The following SBNO2 variants were observed in gnomAD, a reference collection of about 807,000 sequenced individuals.
SBNO2 encodes the protein strawberry notch homolog 2, also known as protein strawberry notch homolog 2.
In SBNO2, 89 loss-of-function variants were observed where a neutral mutation model predicts 146.3. The observed-to-expected ratio is 0.61, with a 90% CI of 0.51 to 0.73. The LOEUF is 0.73. Ranked by LOEUF, SBNO2 falls within the 30% of genes least tolerant of loss-of-function variation. SBNO2 has a pLI of 0.00. For missense variants in SBNO2, 2,092 were observed against 2,003.7 expected, an observed-to-expected ratio of 1.04 and a Z score of -0.84; for synonymous variants, 1,147 against 892.6, an observed-to-expected ratio of 1.29 and a Z score of -5.08.
chr19:1,147,427 G>T lies in SBNO2; in HGVS notation c.168-7C>A. On this transcript the variant is annotated splice_region_variant and splice_polypyrimidine_tract_variant and intron_variant, in intron 3 of 31. Coordinates refer to ENST00000361757, the MANE Select transcript of SBNO2 (RefSeq NM_014963.3). ...GGCGGAGCTCATGAACGGGCTGGAG[G>T]GAGATGGGGGGGGGGGAGGTGAGAT... The T allele has an allele frequency of 1.5e-6, 2 of 1,297,944 alleles. No individual in the cohort carries two copies. Among genetic ancestry groups the T allele is most frequent in the Non-Finnish European group, 1.0e-6 (1 of 975,924 alleles). The allele number at this position is 1,297,944 out of a possible 1,614,324, so 80.4% of individuals were successfully genotyped here.
chr19:1,123,441 T>C, intron 7 of SBNO2, 93 bp downstream of exon 7: 2 of 1,044,758 alleles, frequency 1.9e-6, no homozygotes, highest in East Asian at 2.4e-5. Flanking sequence ...ACATTCCCTC[T>C]GTGGGCTGTG....
chr19:1,137,115 G>A (rs1372028291), intron 4 of SBNO2, among the ~76,000 whole-genome samples: 1 of 148,428 alleles, frequency 6.7e-6, no homozygotes, highest in Admixed American at 6.7e-5. Context: ...ATGGGCGAGG[G>A]GCAGTGAGGC....
intron 4 of SBNO2, among the ~76,000 whole-genome samples, chr19:1,131,255 C>T (rs1202069943): frequency 2.0e-5 from 3 of 152,194 alleles, no homozygotes; most frequent in Admixed American, 6.5e-5. Flanking sequence ...GGGAACCGGG[C>T]CCCTCTGCAG....
In SBNO2 at chr19:1,109,468, G is replaced by A. The variant is rs201057768; in HGVS notation, c.3216+38C>T. ...GGCCGCGCCCCGGTCCGCCCCCCGC[G>A]GGCCCTCCTCTGGGGGGGTAACCCC... On this transcript the variant is annotated intron_variant, in intron 28 of 31. Coordinates refer to ENST00000361757, the MANE Select transcript of SBNO2 (RefSeq NM_014963.3). The surrounding 1 kb of genome is among the most constrained non-coding windows in gnomAD (Gnocchi z 4.2). 2,380 of 1,570,312 alleles carry A rather than the reference G, an allele frequency of 1.5e-3. 29 individuals are homozygous for A. In the African/African-American group the frequency reaches 0.027, roughly 18 times the overall value.
chr19:1,147,292 G>A lies in SBNO2; in HGVS notation c.279+17C>T, dbSNP rs1204673031. On this transcript the variant is annotated intron_variant, in intron 4 of 31. Coordinates refer to ENST00000361757, the MANE Select transcript of SBNO2 (RefSeq NM_014963.3). ...CACCCTGCCCCCCACGGCGCGGTGA[G>A]CTCCTGGGGCTCCTACCTGAGCAAA... The A allele has an allele frequency of 3.9e-6, 6 of 1,544,470 alleles. No homozygotes were observed. Among genetic ancestry groups the A allele is most frequent in the Admixed American group, 1.8e-5 (1 of 55,808 alleles).
At chr19:1,128,118 G>C in intron 4 of SBNO2, 1 of 505,810 alleles carries the variant, frequency 2.0e-6, no homozygotes, top group Middle Eastern at 3.0e-4. Context: ...GTGACAGAGC[G>C]AGAGAGTGAG....
intron 4 of SBNO2, among the ~76,000 whole-genome samples, chr19:1,146,712 G>C (rs1296058032): frequency 6.7e-6 from 1 of 149,190 alleles, no homozygotes; most frequent in Non-Finnish European, 1.5e-5. Flanking sequence ...CCTTGGGGAA[G>C]GCTGTGAGGG....
At position 1,122,994 on chromosome 19, in the gene SBNO2, G is replaced by T; in HGVS notation, c.680C>A (p.Ser227Tyr). The change falls in exon 8 of 32, where the codon TCC (serine) becomes TAC (tyrosine). Residue 227 changes from serine (S) to tyrosine (Y), a missense_variant. By Grantham distance (144) the Ser-to-Tyr change is moderately radical. Transcript: ENST00000361757. Reference protein sequence around the residue: ...PDRVVETSTLSSVPPPDITYT... With the variant: ...PDRVVETSTLYSVPPPDITYT... ...GGTGATGTCTGGGGGTGGGACGCTG[G>T]ACAGTGTGCTGGTCTCCACCACGCG... 2 of 1,583,370 alleles carry T rather than the reference G, an allele frequency of 1.3e-6. No homozygotes were observed. Among genetic ancestry groups the T allele is most frequent in the Non-Finnish European group, 1.7e-6 (2 of 1,165,528 alleles).
chr19:1,167,882 G>A (rs1417318685), intron 1 of SBNO2, among the ~76,000 whole-genome samples: 2 of 152,154 alleles, frequency 1.3e-5, no homozygotes, highest in Admixed American at 6.5e-5. Flanking sequence ...AGCAGGCTCC[G>A]GGGACACGCT....
chr19:1,133,088 T>C (rs906417486), intron 4 of SBNO2, among the ~76,000 whole-genome samples: 42 of 151,770 alleles, frequency 2.8e-4, no homozygotes, highest in Non-Finnish European at 4.9e-4. Context: ...CCACAGGCGG[T>C]CATTCTCGGT....
intron 4 of SBNO2, among the ~76,000 whole-genome samples, chr19:1,128,866 G>T (rs1306632696): frequency 6.6e-6 from 1 of 151,918 alleles, no homozygotes; most frequent in Non-Finnish European, 1.5e-5. Context: ...TACTCGGGGG[G>T]CTGAGGCGGG....
intron 4 of SBNO2, 82 bp downstream of exon 4, chr19:1,147,227 G>A (rs942240459): frequency 1.2e-5 from 11 of 952,700 alleles, no homozygotes; most frequent in Non-Finnish European, 1.6e-5. Context: ...AGGCCTGAGC[G>A]AGAGAGGTCG....
At chr19:1,169,072 G>A (rs187647882) in intron 1 of SBNO2, 2 of 152,356 alleles carry the variant, frequency 1.3e-5, no homozygotes, top group Non-Finnish European at 2.9e-5. Context: ...CAATCACAAG[G>A]CTCCGGGAAG....
At position 1,116,869 on chromosome 19, in the gene SBNO2, C is replaced by T. The variant is rs774797993; in HGVS notation, c.1762G>A (p.Glu588Lys). ...GEARTREVLG[E>K]NDGHLNCFVS... ...AAGCAGTTGAGGTGCCCATCGTTCTCCCCCAGCACCTCCCGCGTGCGCGCC... is the reference window on the plus strand; with the variant it reads ...AAGCAGTTGAGGTGCCCATCGTTCTTCCCCAGCACCTCCCGCGTGCGCGCC... The change falls in exon 16 of 32, where the codon GAG (glutamate) becomes AAG (lysine). Residue 588 changes from glutamate to lysine, a missense_variant. Physicochemically the swap from Glu to Lys is moderately conservative, Grantham distance 56. Coordinates refer to ENST00000361757, the MANE Select transcript of SBNO2 (RefSeq NM_014963.3). 4 of 1,590,738 alleles carry T rather than the reference C, an allele frequency of 2.5e-6. No homozygotes were observed. The highest frequency in any genetic ancestry group is 2.3e-5 in the South Asian group (2 of 88,208).
In SBNO2 at chr19:1,109,448, C is replaced by T. The variant is rs2079725201; in HGVS notation, c.3217-25G>A. Reference sequence around the variant, plus strand: ...CCTGCGGAGGGGGGCGTTGAGGCCGCGCCCCGGTCCGCCCCCCGCGGGCCC... The same window carrying T: ...CCTGCGGAGGGGGGCGTTGAGGCCGTGCCCCGGTCCGCCCCCCGCGGGCCC... On this transcript the variant is annotated intron_variant, in intron 28 of 31. Transcript: ENST00000361757. The surrounding 1 kb of genome is among the most constrained non-coding windows in gnomAD (Gnocchi z 4.2). The T allele has an allele frequency of 3.2e-6, 5 of 1,561,854 alleles. No individual in the cohort carries two copies. Among genetic ancestry groups the T allele is most frequent in the African/African-American group, 1.4e-5 (1 of 73,662 alleles).
intron 1 of SBNO2, among the ~76,000 whole-genome samples, chr19:1,166,369 G>A (rs976964020): frequency 9.8e-5 from 15 of 152,324 alleles, no homozygotes; most frequent in Middle Eastern, 3.4e-3. Context: ...TGCTCCGAGC[G>A]GGCCTCACTG....
At chr19:1,115,234 A>G (rs1021942998) in intron 17 of SBNO2, 2 of 149,696 alleles carry the variant, frequency 1.3e-5, no homozygotes, top group Non-Finnish European at 3.0e-5. Context: ...CACCTAGCCA[A>G]TATTTTATTT....
At position 1,123,026 on chromosome 19, in the gene SBNO2, G is replaced by A; in HGVS notation, c.648C>T (p.His216=). The A allele has an allele frequency of 6.3e-7, 1 of 1,591,802 alleles. No individual in the cohort carries two copies. The highest frequency in any genetic ancestry group is 1.1e-5 in the South Asian group (1 of 87,196). ...VPSKSKIGKQ[H]PDRVVETSTL... is the part of the protein sequence containing the mutation. ...TGCTGGTCTCCACCACGCGGTCTGG[G>A]TGCTGCTTCCCGATCTTGGCTGGAG... Residue 216 remains histidine (H), a synonymous_variant, in exon 8 of 32, where the codon CAC becomes CAT. Coordinates refer to ENST00000361757, the MANE Select transcript of SBNO2 (RefSeq NM_014963.3).
intron 1 of SBNO2, among the ~76,000 whole-genome samples, chr19:1,154,690 T>C (rs1290224978): frequency 2.0e-5 from 3 of 152,150 alleles, no homozygotes; most frequent in African/African-American, 7.2e-5. Flanking sequence ...AGGGCAGCCG[T>C]AGGACCAGGC....
Sources: gnomAD v4.1 joint callset for allele counts (sites outside exome capture counted in the v4.1 genomes callset) on GRCh38, gnomAD v4.1.1 for gene constraint, Gnocchi (gnomAD v3.1) non-coding constraint, MANE v1.5 for transcripts, NCBI Gene and HGNC (gene_info 2026-07-23, HGNC 2026-07-21) for gene names.